NIPBL: variants seen among roughly 807,000 people sequenced by gnomAD.
The protein encoded by NIPBL is nipped-B-like protein.
NIPBL carries 19 observed loss-of-function variants against 321.8 expected under a neutral mutation model. The observed-to-expected ratio is 0.06, with a 90% confidence interval of 0.04 to 0.09. The LOEUF is 0.09. NIPBL is among the 10% of genes least tolerant of loss of function. The pLI is 1.00. For missense variants in NIPBL, 2,210 were observed against 3,327.0 expected (o/e 0.66, Z 8.26); for synonymous variants, 1,106 against 1,114.1 (o/e 0.99, Z 0.14).
intron 1 of NIPBL, among the ~76,000 whole-genome samples, chr5:36,941,480 G>C (rs951266068): frequency 2.1e-5 from 3 of 145,128 alleles, no homozygotes; most frequent in African/African-American, 7.6e-5. Flanking sequence ...TCACTATTGA[G>C]TTAATATCCT....
At chr5:36,895,828 T>G (rs1746687921) in intron 1 of NIPBL, among the ~76,000 whole-genome samples, 1 of 152,260 alleles carries the variant, frequency 6.6e-6, no homozygotes, top group African/African-American at 2.4e-5. Context: ...ATTGTTGAAT[T>G]ATAAGTTGTT....
At chr5:36,910,584 C>G (rs572025803) in intron 1 of NIPBL, among the ~76,000 whole-genome samples, 113 of 152,280 alleles carry the variant, frequency 7.4e-4, no homozygotes, top group Non-Finnish European at 1.5e-3. Flanking sequence ...AAGCTGGTCT[C>G]TTTTCGGCTT....
intron 1 of NIPBL, among the ~76,000 whole-genome samples, chr5:36,912,548 T>C (rs528698192): frequency 6.6e-6 from 1 of 151,390 alleles, no homozygotes; most frequent in African/African-American, 2.4e-5. Context: ...TCGCCCAGGC[T>C]GGAGTGCAGT....
intron 32 of NIPBL, among the ~76,000 whole-genome samples, chr5:37,033,291 G>T (rs1751276041): frequency 2.0e-5 from 3 of 151,840 alleles, no homozygotes; most frequent in Admixed American, 6.6e-5. Flanking sequence ...GCAGAGAAAA[G>T]GTAAAAATAA....
At chr5:37,049,325 C>T (rs1753282500) in intron 40 of NIPBL, 24 bp downstream of exon 40, 1 of 1,610,382 alleles carries the variant, frequency 6.2e-7, no homozygotes, top group South Asian at 1.1e-5. Flanking sequence ...ATGGCAGCAG[C>T]ACTTACTAAA....
At chr5:36,930,362 A>G (rs1030203696) in intron 1 of NIPBL, among the ~76,000 whole-genome samples, 1 of 152,052 alleles carries the variant, frequency 6.6e-6, no homozygotes, top group African/African-American at 2.4e-5. Context: ...CATTTTTGCT[A>G]GAATATAGAA....
At chr5:36,886,406 C>A in intron 1 of NIPBL, 1 of 735,476 alleles carries the variant, frequency 1.4e-6, no homozygotes, top group East Asian at 2.5e-5. Context: ...AGCAGCAACT[C>A]CATGCAAACT....
chr5:36,980,364 ATAT>A (rs1264625650), intron 9 of NIPBL, among the ~76,000 whole-genome samples: 16 of 151,650 alleles, frequency 1.1e-4, no homozygotes. Flanking sequence ...TGCTGATTTC[ATAT>A]TATTGTTGTC....
chr5:37,052,435 C>A lies in NIPBL; in HGVS notation c.7132C>A (p.Pro2378Thr). ...GGCAATCAACACATGCCTAAAAGAT[C>A]CTGTAAGGGGTTTCAGACAAGACGA... ...QQAINTCLKD[P>T]VRGFRQDESS... Residue 2378 changes from proline to threonine, a missense_variant, in exon 42 of 47, where the codon CCT becomes ACT. By Grantham distance (38) the Pro-to-Thr change is conservative (BLOSUM62 -1). Transcript: ENST00000282516. 2 of 1,614,122 alleles carry A rather than the reference C, an allele frequency of 1.2e-6. No homozygotes were observed. Among genetic ancestry groups the A allele is most frequent in the Non-Finnish European group, 1.7e-6 (2 of 1,180,008 alleles).
chr5:36,985,148 C>T lies in NIPBL; in HGVS notation c.1968C>T (p.Ser656=). The T allele has an allele frequency of 6.2e-7, 1 of 1,613,724 alleles. No homozygotes were observed. Among genetic ancestry groups the T allele is most frequent in the Non-Finnish European group, 8.5e-7 (1 of 1,179,866 alleles). The change falls in exon 10 of 47, where the codon AGC becomes AGT. Residue 656 remains serine, a synonymous_variant. Transcript: ENST00000282516. ...TQTEELKQNE[S]RTTECKQNES... ...CAGAAGAACTTAAACAGAATGAGAGCAGAACAACTGAATGCAAACAAAACG... is the reference window on the plus strand; with the variant it reads ...CAGAAGAACTTAAACAGAATGAGAGTAGAACAACTGAATGCAAACAAAACG...
At position 37,028,815 on chromosome 5, in the gene NIPBL, G is replaced by A. The variant is rs573067363; in HGVS notation, c.5862+1403G>A. ...GTTCATATTTTCCTGTCTCAAAAAT[G>A]TATTTTTATAGTTGGTTTGCAGTTG... On this transcript the variant is annotated intron_variant, in intron 32 of 46. Transcript: ENST00000282516. Among the ~76,000 whole-genome samples, 499 of 152,182 alleles carry A rather than the reference G, an allele frequency of 3.3e-3. 2 individuals are homozygous for A. Among genetic ancestry groups the A allele is most frequent in the South Asian group, 6.8e-3 (33 of 4,822 alleles).
intron 1 of NIPBL, among the ~76,000 whole-genome samples, chr5:36,884,234 T>C (rs1745718154): frequency 6.6e-6 from 1 of 152,120 alleles, no homozygotes; most frequent in Admixed American, 6.5e-5. Flanking sequence ...GTGGCTAATA[T>C]AGGTATTTGT....
At chr5:36,919,260 T>G (rs1214457155) in intron 1 of NIPBL, among the ~76,000 whole-genome samples, 1 of 152,190 alleles carries the variant, frequency 6.6e-6, no homozygotes, top group Non-Finnish European at 1.5e-5. Context: ...AAAGGTAAAG[T>G]AGGAAAGGTG....
At chr5:36,915,272 A>G (rs1334699473) in intron 1 of NIPBL, among the ~76,000 whole-genome samples, 1 of 152,156 alleles carries the variant, frequency 6.6e-6, no homozygotes, top group Non-Finnish European at 1.5e-5. Context: ...ACTACAATTA[A>G]TTTCTAATAT....
rs377716907 is a variant in NIPBL at position 37,014,698 on chromosome 5, G to C, written c.4576G>C (p.Val1526Leu). ...DSNKKIDQDVVITNSYETAMR... is the reference protein window; with the variant it reads ...DSNKKIDQDVLITNSYETAMR... ...TTCATTCTAGATTGACCAGGATGTT[G>C]TCATTACTAACTCTTATGAAACAGC... The change falls in exon 22 of 47, where the codon GTC becomes CTC. Residue 1526 changes from valine (V) to leucine (L), a missense_variant. Around this residue, in one of 14 missense-constraint regions of NIPBL, gnomAD observed 381 missense variants for 642.3 expected, o/e 0.59. Transcript: ENST00000282516. 25 of 1,605,282 alleles carry C rather than the reference G, an allele frequency of 1.6e-5. No homozygotes were observed. Among genetic ancestry groups the C allele is most frequent in the Non-Finnish European group, 2.1e-5 (25 of 1,172,462 alleles).
chr5:37,029,050 T>C (rs1286338111), intron 32 of NIPBL, among the ~76,000 whole-genome samples: 1 of 152,238 alleles, frequency 6.6e-6, no homozygotes, highest in Non-Finnish European at 1.5e-5. Context: ...TAAAGTTCAA[T>C]TTTTAATCTA....
intron 1 of NIPBL, among the ~76,000 whole-genome samples, chr5:36,889,036 C>T (rs1343805591): frequency 2.6e-5 from 4 of 152,012 alleles, no homozygotes; most frequent in South Asian, 2.1e-4. Flanking sequence ...GTGGCTTGCA[C>T]ATAGTAAGCA....
intron 43 of NIPBL, among the ~76,000 whole-genome samples, chr5:37,058,363 C>A (rs546958667): frequency 7.7e-4 from 117 of 152,334 alleles, no homozygotes; most frequent in African/African-American, 2.2e-3. Flanking sequence ...CACACACACA[C>A]ACCACACAAA....
intron 1 of NIPBL, among the ~76,000 whole-genome samples, chr5:36,926,631 T>C (rs183176328): frequency 1.3e-5 from 2 of 152,312 alleles, no homozygotes; most frequent in East Asian, 1.9e-4. Context: ...TTATTCACCA[T>C]GCATGTCACA....
Sources: allele counts gnomAD v4.1 joint callset (sites outside exome capture counted in the v4.1 genomes callset), GRCh38; gene constraint gnomAD v4.1.1; regional missense constraint gnomAD v4.1.1; transcripts MANE v1.5; gene names NCBI Gene and HGNC (gene_info 2026-07-23, HGNC 2026-07-21).